Variants in BLTP2 observed in about 807,000 individuals in gnomAD.
BLTP2 encodes bridge-like lipid transfer protein family member 2.
the BLTP2 span, chr17:28,628,196 A>C: frequency 7.3e-7 from 1 of 1,367,338 alleles, no homozygotes; most frequent in Non-Finnish European, 1.0e-6. Flanking sequence ...AGTCCTTTTA[A>C]AACTCCTGTC....
chr17:28,638,777 G>C, the BLTP2 span: 2 of 619,952 alleles, frequency 3.2e-6, no homozygotes, highest in African/African-American at 3.6e-5. Context: ...GACACACCTA[G>C]AAGATAAAAG....
At chr17:28,639,561 CA>C in the BLTP2 span, 1 of 1,613,864 alleles carries the variant, frequency 6.2e-7, no homozygotes, top group Non-Finnish European at 8.5e-7. Context: ...TTCTTGGTAC[CA>C]CAATCATCAC....
the BLTP2 span, chr17:28,623,721 C>T: frequency 6.5e-7 from 1 of 1,549,606 alleles, no homozygotes; most frequent in Non-Finnish European, 8.9e-7. Flanking sequence ...CTACGGAAAA[C>T]CAGGAATATA....
chr17:28,618,917 C>T, the BLTP2 span: 1 of 1,614,182 alleles, frequency 6.2e-7, no homozygotes, highest in East Asian at 2.2e-5. Flanking sequence ...CATCTTCTTG[C>T]TGCTTTCGCA....
chr17:28,625,037 T>G, the BLTP2 span, among the ~76,000 whole-genome samples: 1 of 152,044 alleles, frequency 6.6e-6, no homozygotes, highest in East Asian at 1.9e-4. Flanking sequence ...CTCATGAGAT[T>G]GCTATGAAAG....
chr17:28,637,819 C>T, the BLTP2 span: 8 of 1,610,084 alleles, frequency 5.0e-6, no homozygotes, highest in Non-Finnish European at 5.9e-6. Context: ...TCAGTATAGA[C>T]TCCTTGTCCC....
chr17:28,624,021 C>T, the BLTP2 span: 1 of 1,527,868 alleles, frequency 6.5e-7, no homozygotes, highest in Admixed American at 1.7e-5. Context: ...GGTTAGTGAG[C>T]ACATTGTATC....
At chr17:28,615,221 T>C in the BLTP2 span, 13 of 1,612,106 alleles carry the variant, frequency 8.1e-6, no homozygotes, top group Non-Finnish European at 8.5e-6. Context: ...TGTTGCAGAC[T>C]TCAGCCTTAG....
At chr17:28,640,539 CTG>C in the BLTP2 span, 5 of 1,613,142 alleles carry the variant, frequency 3.1e-6, no homozygotes, top group African/African-American at 2.7e-5. Context: ...CTCCCATCTT[CTG>C]TGTCAGGAGA....
chr17:28,632,049 C>A, the BLTP2 span: 1 of 1,612,026 alleles, frequency 6.2e-7, no homozygotes, highest in Non-Finnish European at 8.5e-7. Flanking sequence ...AGTGCCTTAC[C>A]TGCAGCTGGG....
chr17:28,641,907 T>C, the BLTP2 span: 1 of 1,613,254 alleles, frequency 6.2e-7, no homozygotes, highest in South Asian at 1.1e-5. Context: ...GGAACAGGCT[T>C]AGATGCTAGG....
chr17:28,639,810 A>C, the BLTP2 span: 41 of 1,514,792 alleles, frequency 2.7e-5, no homozygotes, highest in Non-Finnish European at 3.6e-5. Flanking sequence ...AGTTACACTG[A>C]GATTAGATTA....
At chr17:28,637,956 G>A in the BLTP2 span, 1 of 1,614,156 alleles carries the variant, frequency 6.2e-7, no homozygotes, top group African/African-American at 1.3e-5. Flanking sequence ...CCAGATTGTG[G>A]ACCCATCAGG....
the BLTP2 span, among the ~76,000 whole-genome samples, chr17:28,625,353 AAAAAAG>A: frequency 5.4e-4 from 80 of 148,996 alleles, no homozygotes; most frequent in East Asian, 1.4e-3. Context: ...AAAAAAAAAA[AAAAAAG>A]AAAAAGAAAA....
the BLTP2 span, among the ~76,000 whole-genome samples, chr17:28,627,290 C>G: frequency 6.6e-6 from 1 of 152,160 alleles, no homozygotes; most frequent in South Asian, 2.1e-4. Flanking sequence ...GATTGCCCTT[C>G]TACCCCATTT....
chr17:28,621,265 G>T, the BLTP2 span: 3 of 1,461,692 alleles, frequency 2.1e-6, no homozygotes, highest in Non-Finnish European at 2.9e-6. Flanking sequence ...CAGAAACACT[G>T]CTTTCAACCC....
the BLTP2 span, among the ~76,000 whole-genome samples, chr17:28,629,630 ACC>A: frequency 6.6e-6 from 1 of 152,178 alleles, no homozygotes; most frequent in Non-Finnish European, 1.5e-5. Flanking sequence ...GGCACCTGCC[ACC>A]ACGCCCAGCA....
At chr17:28,631,701 A>G in the BLTP2 span, 1 of 1,613,582 alleles carries the variant, frequency 6.2e-7, no homozygotes. Context: ...AGAGGCACAC[A>G]GAGACCATGC....
chr17:28,638,566 C>T, the BLTP2 span: 34 of 1,613,796 alleles, frequency 2.1e-5, no homozygotes, highest in African/African-American at 2.0e-4. Context: ...GGTGGTGTAT[C>T]TCCAAGTTGA....
Sources: gnomAD v4.1 joint callset for allele counts (sites outside exome capture counted in the v4.1 genomes callset) on GRCh38, gnomAD v4.1.1 for gene constraint, MANE v1.5 for transcripts, NCBI Gene and HGNC (gene_info 2026-07-23, HGNC 2026-07-21) for gene names.